Variants in PCDH15 observed in about 807,000 individuals in gnomAD.
PCDH15 encodes protocadherin related 15, also known as protocadherin-15.
PCDH15 carries 129 observed loss-of-function variants against 178.5 expected under a neutral mutation model. The ratio of observed to expected loss-of-function variants is 0.72; its 90% CI spans 0.63 to 0.84. PCDH15 has a LOEUF of 0.84. Ranked by LOEUF, PCDH15 falls within the 40% of genes least tolerant of loss-of-function variation. The pLI is 0.00. For missense variants in PCDH15, 2,230 were observed against 2,099.9 expected (o/e 1.06, Z -1.21); for synonymous variants, 800 against 732.0 (o/e 1.09, Z -1.50).
intron 2 of PCDH15, among the ~76,000 whole-genome samples, chr10:54,933,470 C>G (rs1411854853): frequency 6.6e-6 from 1 of 151,834 alleles, no homozygotes; most frequent in Non-Finnish European, 1.5e-5. Flanking sequence ...TAGAAAGATT[C>G]AAGTTCATTT....
chr10:55,502,876 A>G (rs1163917458), intron 2 of PCDH15, among the ~76,000 whole-genome samples: 1 of 151,674 alleles, frequency 6.6e-6, no homozygotes, highest in African/African-American at 2.4e-5. Flanking sequence ...TAGTTCCAAT[A>G]TTAAGAAACA....
chr10:54,538,678 T>C (rs952103209), intron 2 of PCDH15, among the ~76,000 whole-genome samples: 3 of 152,178 alleles, frequency 2.0e-5, no homozygotes, highest in Non-Finnish European at 2.9e-5. Context: ...TTGCCCTTGC[T>C]GTTCTTGTGA....
chr10:55,044,026 A>G (rs1355185629), intron 2 of PCDH15, among the ~76,000 whole-genome samples: 1 of 152,176 alleles, frequency 6.6e-6, no homozygotes, highest in Non-Finnish European at 1.5e-5. Flanking sequence ...GCTTGTGGAC[A>G]GCCACTATCC....
chr10:54,059,018 G>A (rs1050800461), intron 18 of PCDH15, among the ~76,000 whole-genome samples: 1 of 151,982 alleles, frequency 6.6e-6, no homozygotes, highest in Non-Finnish European at 1.5e-5. Flanking sequence ...CTAACAGTAT[G>A]TTTGTAACAA....
intron 2 of PCDH15, among the ~76,000 whole-genome samples, chr10:55,370,690 T>A (rs913352365): frequency 2.6e-5 from 4 of 152,126 alleles, no homozygotes; most frequent in African/African-American, 9.7e-5. Context: ...AAAGCAGGAA[T>A]CATCTCTTTA....
chr10:55,043,235 C>T (rs2131979349), intron 2 of PCDH15, among the ~76,000 whole-genome samples: 1 of 152,132 alleles, frequency 6.6e-6, no homozygotes, highest in Middle Eastern at 3.4e-3. Context: ...TCAATTCCTA[C>T]TGTTTCTTTA....
At chr10:55,520,201 C>T (rs1841131973) in intron 2 of PCDH15, among the ~76,000 whole-genome samples, 2 of 45,514 alleles carry the variant, frequency 4.4e-5, no homozygotes, top group Admixed American at 2.5e-4. Context: ...TATATACACG[C>T]AATGTGTATA....
chr10:54,390,495 C>A (rs1161533521), intron 3 of PCDH15, among the ~76,000 whole-genome samples: 1 of 152,116 alleles, frequency 6.6e-6, no homozygotes, highest in East Asian at 1.9e-4. Flanking sequence ...CAGGGTTTCA[C>A]CATGTTAGCC....
chr10:54,804,433 A>G (rs1006207128), upstream of PCDH15, among the ~76,000 whole-genome samples: 17 of 152,202 alleles, frequency 1.1e-4, no homozygotes, highest in Admixed American at 1.0e-3. Context: ...TGGCAATGCC[A>G]TGATGAATAT....
intron 2 of PCDH15, among the ~76,000 whole-genome samples, chr10:54,961,102 G>A (rs1228678445): frequency 6.6e-6 from 1 of 152,224 alleles, no homozygotes; most frequent in East Asian, 1.9e-4. Flanking sequence ...CCCGTCTGGA[G>A]CAGCCACTAC....
At chr10:53,862,403 TG>T (rs1589139806) in intron 27 of PCDH15, among the ~76,000 whole-genome samples, 1 of 152,138 alleles carries the variant, frequency 6.6e-6, no homozygotes, top group African/African-American at 2.4e-5. Context: ...CATCCTGCAT[TG>T]GCCACTTGGA....
intron 8 of PCDH15, among the ~76,000 whole-genome samples, chr10:54,251,310 T>G (rs1437796651): frequency 2.6e-5 from 4 of 152,336 alleles, no homozygotes; most frequent in Non-Finnish European, 5.9e-5. Context: ...AATTAACACT[T>G]TTGATCTGCA....
chr10:54,495,800 T>G (rs2080055781), intron 3 of PCDH15, among the ~76,000 whole-genome samples: 1 of 152,178 alleles, frequency 6.6e-6, no homozygotes. Flanking sequence ...AATGTCACAT[T>G]ACTTGTCTCT....
intron 6 of PCDH15, among the ~76,000 whole-genome samples, chr10:54,339,117 C>T (rs1428528476): frequency 1.3e-5 from 2 of 152,194 alleles, no homozygotes; most frequent in African/African-American, 2.4e-5. Context: ...ACATGGGGCC[C>T]AGGTTGGCTC....
intron 8 of PCDH15, among the ~76,000 whole-genome samples, chr10:54,237,578 C>T (rs888013636): frequency 6.6e-6 from 1 of 152,118 alleles, no homozygotes; most frequent in Admixed American, 6.5e-5. Flanking sequence ...GACTGGCAAA[C>T]ATTTTTCTGT....
At chr10:54,908,028 A>C (rs1009705990) in intron 2 of PCDH15, among the ~76,000 whole-genome samples, 1 of 152,172 alleles carries the variant, frequency 6.6e-6, no homozygotes, top group African/African-American at 2.4e-5. Context: ...CAGGCTACAG[A>C]GACATTGTTA....
intron 3 of PCDH15, among the ~76,000 whole-genome samples, chr10:54,387,043 T>G (rs1166075930): frequency 4.6e-5 from 7 of 151,542 alleles, no homozygotes; most frequent in Non-Finnish European, 8.8e-5. Context: ...GTTAGTTGGC[T>G]TGATTTAACC....
intron 3 of PCDH15, among the ~76,000 whole-genome samples, chr10:54,524,416 T>G (rs1430955250): frequency 6.6e-6 from 1 of 152,214 alleles, no homozygotes; most frequent in Non-Finnish European, 1.5e-5. Context: ...GCCTGTACAC[T>G]TCGGCAGATT....
At chr10:54,491,425 T>C (rs1334279646) in intron 3 of PCDH15, among the ~76,000 whole-genome samples, 1 of 151,962 alleles carries the variant, frequency 6.6e-6, no homozygotes, top group East Asian at 1.9e-4. Context: ...CTTTTTCAAG[T>C]ATCTAAGTTC....
Sources: gnomAD v4.1 joint callset for allele counts (sites outside exome capture counted in the v4.1 genomes callset) on GRCh38, gnomAD v4.1.1 for gene constraint, MANE v1.5 for transcripts, NCBI Gene and HGNC (gene_info 2026-07-23, HGNC 2026-07-21) for gene names.